The following GREB1 variants were observed in gnomAD, a reference collection of about 807,000 sequenced individuals.
The protein encoded by GREB1 is growth regulating estrogen receptor binding 1.
In GREB1, 106 loss-of-function variants were observed where a neutral mutation model predicts 200.7. The observed-to-expected ratio is 0.53, with a 90% CI of 0.45 to 0.62. GREB1 has a LOEUF of 0.62. GREB1 is among the 20% of genes least tolerant of loss of function. GREB1 has a pLI of 0.00. For synonymous variants in GREB1, 1,132 were observed against 1,092.4 expected, an observed-to-expected ratio of 1.04 and a Z score of -0.72; for missense variants, 2,243 against 2,556.8, an observed-to-expected ratio of 0.88 and a Z score of 2.65.
upstream of GREB1, among the ~76,000 whole-genome samples, chr2:11,529,139 G>A (rs115532272): frequency 1.3e-3 from 193 of 152,210 alleles, no homozygotes; most frequent in Non-Finnish European, 2.4e-3. Context: ...CTGTAAAGAT[G>A]GAAGAGTACC....
At chr2:11,541,395 G>T (rs540037079) in intron 1 of GREB1, among the ~76,000 whole-genome samples, 1 of 152,004 alleles carries the variant, frequency 6.6e-6, no homozygotes, top group African/African-American at 2.4e-5. Flanking sequence ...TTGAGGCTCT[G>T]TGCACAGGCG....
chr2:11,625,263 T>A lies in GREB1; in HGVS notation c.4257T>A (p.Tyr1419Ter), dbSNP rs1374544410. 1 of 1,614,046 alleles carries A rather than the reference T, an allele frequency of 6.2e-7. No homozygotes were observed. The highest frequency in any genetic ancestry group is 1.7e-5 in the Admixed American group (1 of 60,002). The change falls in exon 24 of 33, where the codon TAT becomes TAA. Residue 1419 changes from tyrosine to a stop codon, truncating the protein, a stop_gained. Transcript: ENST00000381486. LOFTEE classifies it high-confidence loss of function. ...ACTACATCATTCACGACCCGAAGTA[T>A]GAAGATGCCAGCCTGATTTGTTCGC... ...PFDYIIHDPK[Y>*]EDASLICSHY...
intron 1 of GREB1, among the ~76,000 whole-genome samples, chr2:11,526,482 T>C (rs949818009): frequency 3.9e-5 from 6 of 152,176 alleles, no homozygotes; most frequent in Admixed American, 3.3e-4. Flanking sequence ...TCGGTACTAA[T>C]TGTGATCTTA....
upstream of GREB1, among the ~76,000 whole-genome samples, chr2:11,530,492 G>C (rs1004418222): frequency 6.6e-5 from 10 of 151,042 alleles, no homozygotes; most frequent in African/African-American, 2.4e-4. Context: ...CGCTTGAACC[G>C]GGAGGCGGAG....
At chr2:11,504,181 G>A (rs906429095) in intron 1 of GREB1, among the ~76,000 whole-genome samples, 2 of 152,094 alleles carry the variant, frequency 1.3e-5, no homozygotes, top group African/African-American at 4.8e-5. Flanking sequence ...ATGGGTGGGT[G>A]GTGTCCACAC....
At chr2:11,530,743 T>C (rs1674044769), upstream of GREB1, among the ~76,000 whole-genome samples, 2 of 152,160 alleles carry the variant, frequency 1.3e-5, no homozygotes, top group Admixed American at 6.5e-5. Context: ...AGAACCTGCA[T>C]GTGGTGCATG....
Position 11,632,079 on chromosome 2 carries a change from G to C in GREB1, c.4782G>C (p.Leu1594=), listed in dbSNP as rs754245621. The C allele has an allele frequency of 2.5e-6, 4 of 1,613,972 alleles. No homozygotes were observed. The highest frequency in any genetic ancestry group is 3.4e-6 in the Non-Finnish European group (4 of 1,179,904). Residue 1594 remains leucine, a synonymous_variant, in exon 27 of 33, where the codon CTG becomes CTC. Transcript: ENST00000381486. ...AATATTGGCCCAACCACATCATGCT[G>C]GTGCTCCCCAGTATCTTCAACAGTG... The part of the protein sequence containing the change: ...YKKYWPNHIM[L]VLPSIFNSAG...
chr2:11,587,254 T>G, intron 9 of GREB1: 5 of 756,384 alleles, frequency 6.6e-6, no homozygotes, highest in Non-Finnish European at 7.0e-6. Context: ...GCTCTGTGCC[T>G]TCTCCATGAA....
intron 4 of GREB1, 60 bp from the exon 5 acceptor site, chr2:11,576,293 A>G (rs1345643586): frequency 2.2e-6 from 3 of 1,385,596 alleles, no homozygotes; most frequent in African/African-American, 2.9e-5. Flanking sequence ...GATGACAAGA[A>G]CGAGACTTCA....
Position 11,637,700 on chromosome 2 carries a change from C to A in GREB1, c.5347-16C>A. 1 of 1,611,168 alleles carries A rather than the reference C, an allele frequency of 6.2e-7. No individual in the cohort carries two copies. The highest frequency in any genetic ancestry group is 1.1e-5 in the South Asian group (1 of 91,024). The stretch of plus-strand genomic sequence containing the variant: ...CCTCAGGGCAGTAGTGGCCTGACAC[C>A]CCCCTTCCCGTGCAGGTGTCTGATA... On this transcript the variant is annotated splice_polypyrimidine_tract_variant and intron_variant, in intron 30 of 32. Transcript: ENST00000381486.
chr2:11,576,230 C>A, intron 4 of GREB1, 123 bp from the exon 5 acceptor site: 1 of 738,478 alleles, frequency 1.4e-6, no homozygotes, highest in Non-Finnish European at 2.3e-6. Context: ...TCACTTGAAC[C>A]TGGGAGATAG....
upstream of GREB1, among the ~76,000 whole-genome samples, chr2:11,529,711 A>G (rs1259741758): frequency 1.3e-5 from 2 of 152,250 alleles, no homozygotes; most frequent in African/African-American, 4.8e-5. Flanking sequence ...TAGATTGGGA[A>G]GAGAAAGTGG....
chr2:11,628,543 G>A (rs1445850280), intron 25 of GREB1, among the ~76,000 whole-genome samples: 1 of 152,190 alleles, frequency 6.6e-6, no homozygotes, highest in African/African-American at 2.4e-5. Context: ...GAACATATGA[G>A]CAATTTTTTA....
intron 1 of GREB1, among the ~76,000 whole-genome samples, chr2:11,498,228 T>C (rs1672940572): frequency 6.6e-6 from 1 of 152,104 alleles, no homozygotes; most frequent in South Asian, 2.1e-4. Context: ...TGTTATAGTT[T>C]TATGTTTTAT....
chr2:11,497,672 A>G (rs548332245), intron 1 of GREB1, among the ~76,000 whole-genome samples: 3 of 152,260 alleles, frequency 2.0e-5, no homozygotes, highest in African/African-American at 7.2e-5. Context: ...GTTATGATAG[A>G]TGCATAGTGA....
intron 1 of GREB1, among the ~76,000 whole-genome samples, chr2:11,507,958 T>C (rs1191177704): frequency 1.3e-5 from 2 of 152,210 alleles, no homozygotes; most frequent in African/African-American, 4.8e-5. Context: ...GAGGCTGCAT[T>C]GTTTACAGTA....
intron 22 of GREB1, among the ~76,000 whole-genome samples, chr2:11,619,845 C>T (rs1450059824): frequency 6.6e-6 from 1 of 152,026 alleles, no homozygotes; most frequent in Non-Finnish European, 1.5e-5. Context: ...CTGAAGCTTC[C>T]CTGTGGTTGG....
At chr2:11,521,949 G>A (rs375799410) in intron 1 of GREB1, among the ~76,000 whole-genome samples, 21 of 152,148 alleles carry the variant, frequency 1.4e-4, no homozygotes, top group Admixed American at 5.2e-4. Flanking sequence ...TGGTCTACAC[G>A]TTGTGATCTC....
In GREB1 at chr2:11,640,542, T is replaced by G; in HGVS notation, c.*88T>G. 1 of 1,465,404 alleles carries G rather than the reference T, an allele frequency of 6.8e-7. No individual in the cohort carries two copies. Among genetic ancestry groups the G allele is most frequent in the Non-Finnish European group, 9.5e-7 (1 of 1,055,882 alleles). 90.8% of individuals were successfully genotyped at this position (1,465,404 alleles called of 1,614,324 possible). A position where few individuals can be genotyped will look rare whatever the true frequency, so the allele number is the denominator to read the frequency against. ...AAGGGAGGCCTGGAACGGTGGGGCG[T>G]TTGACTGGAATGGACCCCAGGGACT... On this transcript the variant is annotated 3_prime_UTR_variant, in exon 33 of 33. Transcript: ENST00000381486. This position sits in a 1 kb window ranked among gnomAD's most constrained non-coding sequence, Gnocchi z 4.6.
Sources: allele counts gnomAD v4.1 joint callset (sites outside exome capture counted in the v4.1 genomes callset), GRCh38; gene constraint gnomAD v4.1.1; non-coding constraint Gnocchi (gnomAD v3.1); transcripts MANE v1.5; gene names NCBI Gene and HGNC (gene_info 2026-07-23, HGNC 2026-07-21).